The following MEPCE variants were observed in gnomAD, a reference collection of about 807,000 sequenced individuals.
MEPCE encodes the protein 7SK snRNA methylphosphate capping enzyme.
MEPCE carries 9 observed loss-of-function variants against 52.3 expected under a neutral mutation model. The ratio of observed to expected loss-of-function variants is 0.17; its 90% CI spans 0.10 to 0.30. The LOEUF (loss-of-function observed/expected upper bound fraction) is 0.30, where lower values mean the gene tolerates loss of function less well. Among genes scored for constraint, MEPCE ranks in the 10% least tolerant of loss-of-function variants. The probability of loss-of-function intolerance (pLI) is 1.00; values close to 1 mark genes in which losing one functional copy is unlikely to be tolerated. For synonymous variants in MEPCE, 477 were observed against 401.6 expected, an observed-to-expected ratio of 1.19 and a Z score of -2.25; for missense variants, 826 against 933.0, an observed-to-expected ratio of 0.89 and a Z score of 1.49.
In MEPCE at chr7:100,430,191, C is replaced by T. The variant is rs1798580093; in HGVS notation, c.173C>T (p.Ala58Val). The change falls in exon 1 of 4, where the codon GCG (alanine) becomes GTG (valine). Residue 58 changes from alanine to valine, a missense_variant. Coordinates refer to ENST00000310512, the MANE Select transcript of MEPCE (RefSeq NM_019606.6). ...GGTCCGGGTCGTTGCGCGCCATCTGCGGGGTCCCCAGCCGCTGCGGTCGGT... is the reference window on the plus strand; with the variant it reads ...GGTCCGGGTCGTTGCGCGCCATCTGTGGGGTCCCCAGCCGCTGCGGTCGGT... ...ERGPGRCAPS[A>V]GSPAAAVGRE... The T allele has an allele frequency of 2.3e-6, 3 of 1,299,524 alleles. No individual in the cohort carries two copies. The highest frequency in any genetic ancestry group is 1.9e-6 in the Non-Finnish European group (2 of 1,026,506). 80.5% of individuals were successfully genotyped at this position (1,299,524 alleles called of 1,614,324 possible). A position where few individuals can be genotyped will look rare whatever the true frequency, so the allele number is the denominator to read the frequency against.
At chr7:100,432,883 C>T (rs190368355) in intron 1 of MEPCE, 36 bp from the exon 2 acceptor site, 3 of 1,593,426 alleles carry the variant, frequency 1.9e-6, no homozygotes, top group Admixed American at 3.3e-5. Context: ...TTCTTTGATT[C>T]CCTCAGTTGA....
Position 100,430,735 on chromosome 7 carries a change from C to G in MEPCE, c.717C>G (p.Leu239=), listed in dbSNP as rs1798648455. The G allele has an allele frequency of 6.2e-7, 1 of 1,613,932 alleles. No individual in the cohort carries two copies. Residue 239 remains leucine, a synonymous_variant, in exon 1 of 4, where the codon CTC becomes CTG. Transcript: ENST00000310512. ...TCCCCAAAGATATTACTGACCCGCT[C>G]AGTCTCAATACTTGCACTGATGAGG... ...ILIPKDITDP[L]SLNTCTDEGH... is the part of the protein sequence containing the mutation.
chr7:100,431,602 T>C lies in MEPCE; in HGVS notation c.1584T>C (p.Thr528=), dbSNP rs1027408591. ...GGAGCTGCTTCCCAGCCTCGCTGACTGCCAGCCGGGGTCCCATCGCTGCCC... is the reference window on the plus strand; with the variant it reads ...GGAGCTGCTTCCCAGCCTCGCTGACCGCCAGCCGGGGTCCCATCGCTGCCC... ...RKRSCFPASL[T]ASRGPIAAPQ... is the part of the protein sequence containing the mutation. The change falls in exon 1 of 4, where the codon ACT becomes ACC. Residue 528 remains threonine (T), a synonymous_variant. Coordinates refer to ENST00000310512, the MANE Select transcript of MEPCE (RefSeq NM_019606.6). The C allele has an allele frequency of 6.2e-7, 1 of 1,610,722 alleles. No homozygotes were observed. The highest frequency in any genetic ancestry group is 1.7e-5 in the Admixed American group (1 of 60,020).
In MEPCE at chr7:100,431,068, A is replaced by G; in HGVS notation, c.1050A>G (p.Ser350=). 3 of 1,613,750 alleles carry G rather than the reference A, an allele frequency of 1.9e-6. No homozygotes were observed. The highest frequency in any genetic ancestry group is 2.5e-6 in the Non-Finnish European group (3 of 1,180,012). ...SGSLSAPPAA[S]VISAPPSSSS... is the part of the protein sequence containing the mutation. ...CCCTATCAGCCCCTCCAGCTGCCTC[A>G]GTTATCTCTGCACCCCCATCTTCCT... Residue 350 remains serine (S), a synonymous_variant, in exon 1 of 4, where the codon TCA becomes TCG. Coordinates refer to ENST00000310512, the MANE Select transcript of MEPCE (RefSeq NM_019606.6).
In MEPCE at chr7:100,433,543, C is replaced by T. The variant is rs1158300572; in HGVS notation, c.2059C>T (p.Pro687Ser). The T allele has an allele frequency of 6.2e-7, 1 of 1,613,048 alleles. No homozygotes were observed. The highest frequency in any genetic ancestry group is 8.5e-7 in the Non-Finnish European group (1 of 1,180,014). ...PVYLFHKARS[P>S]SH ...GTACCTGTTCCACAAGGCCCGATCCCCCAGCCACTAAGTGGCCCCCTAAAC... is the reference window on the plus strand; with the variant it reads ...GTACCTGTTCCACAAGGCCCGATCCTCCAGCCACTAAGTGGCCCCCTAAAC... The change falls in exon 4 of 4, where the codon CCC (proline) becomes TCC (serine). Residue 687 changes from proline (P) to serine (S), a missense_variant. Around this residue, in one of 7 missense-constraint regions of MEPCE, gnomAD observed 82 missense variants for 121.4 expected, o/e 0.68. Transcript: ENST00000310512.
chr7:100,430,399 T>C lies in MEPCE; in HGVS notation c.381T>C (p.Pro127=), dbSNP rs1456654529. 5.9e-6 allele frequency: 9 copies of C among 1,523,060 alleles called. No individual in the cohort carries two copies. The highest frequency in any genetic ancestry group is 2.3e-5 in the East Asian group (1 of 43,264). The allele number at this position is 1,523,060 out of a possible 1,614,324, so 94.3% of individuals were successfully genotyped here. ...RGGGGTELGP[P]APPRPRNGYQ... is the part of the protein sequence containing the mutation. ...GGGGCGGGACAGAGCTGGGTCCCCCTGCTCCTCCTCGACCCCGCAATGGCT... is the reference window on the plus strand; with the variant it reads ...GGGGCGGGACAGAGCTGGGTCCCCCCGCTCCTCCTCGACCCCGCAATGGCT... The change falls in exon 1 of 4, where the codon CCT becomes CCC. Residue 127 remains proline, a synonymous_variant. Transcript: ENST00000310512.
chr7:100,432,175 C>G (rs1321500449), intron 1 of MEPCE, among the ~76,000 whole-genome samples: 1 of 152,156 alleles, frequency 6.6e-6, no homozygotes, highest in Non-Finnish European at 1.5e-5. Flanking sequence ...TTTTGTTTTC[C>G]TAGACAGTTT....
chr7:100,433,196 G>A (rs1798771092), intron 2 of MEPCE, 59 bp downstream of exon 2: 1 of 1,613,206 alleles, frequency 6.2e-7, no homozygotes, highest in Non-Finnish European at 8.5e-7. Context: ...AAGGCCCCGA[G>A]GTGGGCATCG....
At position 100,430,064 on chromosome 7, in the gene MEPCE, C is replaced by T; in HGVS notation, c.46C>T (p.Pro16Ser). The change falls in exon 1 of 4, where the codon CCG becomes TCG. Residue 16 changes from proline (P) to serine (S), a missense_variant. Physicochemically the swap from Pro to Ser is moderately conservative, Grantham distance 74. Coordinates refer to ENST00000310512, the MANE Select transcript of MEPCE (RefSeq NM_019606.6). ...GAAGGAGCCGTTTCTGGTGCCGGCC[C>T]CGCCGCCGCCGCTCAAAGATGAGTC... ...AEKEPFLVPA[P>S]PPPLKDESGG... 7.9e-7 allele frequency: 1 copy of T among 1,264,430 alleles called. No individual in the cohort carries two copies. The highest frequency in any genetic ancestry group is 1.5e-5 in the African/African-American group (1 of 64,608). 78.3% of individuals were successfully genotyped at this position (1,264,430 alleles called of 1,614,324 possible).
upstream of MEPCE, chr7:100,428,792 T>TCA (rs10693652): frequency 0.21 from 31,756 of 151,998 alleles, 3,542 homozygotes; most frequent in African/African-American, 0.28. Flanking sequence ...CGGTGGGTGT[T>TCA]GAGAGGCCCG....
chr7:100,430,695 C>T lies in MEPCE; in HGVS notation c.677C>T (p.Pro226Leu), dbSNP rs939813691. The T allele has an allele frequency of 4.3e-6, 7 of 1,613,760 alleles. No homozygotes were observed. The highest frequency in any genetic ancestry group is 3.3e-5 in the Admixed American group (2 of 59,998). Residue 226 changes from proline (P) to leucine (L), a missense_variant, in exon 1 of 4, where the codon CCG becomes CTG. Physicochemically the swap from Pro to Leu is moderately conservative, Grantham distance 98 (BLOSUM62 -3). Around this residue, in one of 7 missense-constraint regions of MEPCE, gnomAD observed 307 missense variants for 292.1 expected, o/e 1.05. Transcript: ENST00000310512. ...CCCCTTCCGGCCAAAGGGCGAGATC[C>T]GGTGGAGATCCTCATCCCCAAAGAT... ...SSPLPAKGRD[P>L]VEILIPKDIT...
chr7:100,430,282 C>T lies in MEPCE; in HGVS notation c.264C>T (p.Gly88=). 1 of 1,401,318 alleles carries T rather than the reference C, an allele frequency of 7.1e-7. No homozygotes were observed. The highest frequency in any genetic ancestry group is 9.2e-7 in the Non-Finnish European group (1 of 1,081,990). The allele number at this position is 1,401,318 out of a possible 1,614,324, so 86.8% of individuals were successfully genotyped here. Residue 88 remains glycine (G), a synonymous_variant, in exon 1 of 4, where the codon GGC becomes GGT. Transcript: ENST00000310512. ...SGPQAQQHRG[G]GPQAQSHGEA... ...CCCAGGCGCAGCAGCACCGAGGGGG[C>T]GGCCCCCAGGCGCAGTCGCATGGGG...
Position 100,430,207 on chromosome 7 carries a change from T to C in MEPCE, c.189T>C (p.Ala63=). The C allele has an allele frequency of 7.6e-7, 1 of 1,311,356 alleles. No homozygotes were observed. The highest frequency in any genetic ancestry group is 9.7e-7 in the Non-Finnish European group (1 of 1,033,646). 81.2% of individuals were successfully genotyped at this position (1,311,356 alleles called of 1,614,324 possible). Residue 63 remains alanine (A), a synonymous_variant, in exon 1 of 4, where the codon GCT becomes GCC. Coordinates refer to ENST00000310512, the MANE Select transcript of MEPCE (RefSeq NM_019606.6). ...CGCCATCTGCGGGGTCCCCAGCCGC[T>C]GCGGTCGGTCGGGAAAGCCCCGGGG... The part of the protein sequence containing the change: ...RCAPSAGSPA[A]AVGRESPGAA...
At position 100,433,687 on chromosome 7, in the gene MEPCE, G is replaced by A; in HGVS notation, c.*133G>A. ...TTCCTTTCTTGGATCTGCAAAGAAA[G>A]CTTTTCTTCCGTCGCTGCCTCAGCC... On this transcript the variant is annotated 3_prime_UTR_variant, in exon 4 of 4. Transcript: ENST00000310512. 4 of 967,140 alleles carry A rather than the reference G, an allele frequency of 4.1e-6. No homozygotes were observed. The highest frequency in any genetic ancestry group is 6.2e-6 in the Non-Finnish European group (4 of 647,062). 59.9% of individuals were successfully genotyped at this position (967,140 alleles called of 1,614,324 possible). A position where few individuals can be genotyped will look rare whatever the true frequency, so the allele number is the denominator to read the frequency against.
chr7:100,431,704 A>C lies in MEPCE; in HGVS notation c.1671+15A>C. ...TCTTCGTCACGGTAAGAGGGTCCAG[A>C]GGCTCTTGGAATAGGGGCCAGGTGT... On this transcript the variant is annotated intron_variant, in intron 1 of 3. Transcript: ENST00000310512. 6.4e-7 allele frequency: 1 copy of C among 1,562,472 alleles called. No individual in the cohort carries two copies. Among genetic ancestry groups the C allele is most frequent in the Non-Finnish European group, 8.6e-7 (1 of 1,158,628 alleles).
chr7:100,432,652 T>C (rs888708629), intron 1 of MEPCE, among the ~76,000 whole-genome samples: 7 of 152,344 alleles, frequency 4.6e-5, no homozygotes, highest in African/African-American at 1.4e-4. Context: ...TTTGGAAGAC[T>C]TCATGGATAA....
intron 3 of MEPCE, 32 bp from the exon 4 acceptor site, chr7:100,433,470 C>A: frequency 1.2e-6 from 2 of 1,614,016 alleles, no homozygotes; most frequent in Non-Finnish European, 1.7e-6. Flanking sequence ...GAGGTGCTGC[C>A]AACCCCTTCT....
In MEPCE at chr7:100,429,985, C is replaced by A; in HGVS notation, c.-34C>A. 1 of 1,240,474 alleles carries A rather than the reference C, an allele frequency of 8.1e-7. No individual in the cohort carries two copies. Among genetic ancestry groups the A allele is most frequent in the Non-Finnish European group, 1.0e-6 (1 of 990,464 alleles). The allele number at this position is 1,240,474 out of a possible 1,614,324, so 76.8% of individuals were successfully genotyped here. Reference sequence around the variant, plus strand: ...GGGGGTTAGGCCCCCTGATCCCCCTCGTTACCCCGACTGGCACGGAATAAG... The same window carrying A: ...GGGGGTTAGGCCCCCTGATCCCCCTAGTTACCCCGACTGGCACGGAATAAG... On this transcript the variant is annotated 5_prime_UTR_variant, in exon 1 of 4. Coordinates refer to ENST00000310512, the MANE Select transcript of MEPCE (RefSeq NM_019606.6).
rs1798682160 is a variant in MEPCE, at chr7:100,431,147, A to G, written c.1129A>G (p.Arg377Gly). The G allele has an allele frequency of 2.5e-6, 4 of 1,613,620 alleles. No individual in the cohort carries two copies. The highest frequency in any genetic ancestry group is 2.5e-6 in the Non-Finnish European group (3 of 1,180,010). ...RTSSKSEAGA[R>G]GGGQGSKEKG... ...TTCCAGCAAGTCGGAGGCAGGGGCT[A>G]GGGGTGGAGGCCAGGGTTCCAAGGA... Residue 377 changes from arginine (R) to glycine (G), a missense_variant, in exon 1 of 4, where the codon AGG becomes GGG. Arg to Gly is a moderately radical substitution (Grantham distance 125). Transcript: ENST00000310512.
Sources: allele counts gnomAD v4.1 joint callset (sites outside exome capture counted in the v4.1 genomes callset), GRCh38; gene constraint gnomAD v4.1.1; regional missense constraint gnomAD v4.1.1; transcripts MANE v1.5; gene names NCBI Gene and HGNC (gene_info 2026-07-23, HGNC 2026-07-21).